Variants in RALYL observed in about 807,000 individuals in gnomAD.
RALYL encodes the protein RNA-binding Raly-like protein.
A neutral mutation model predicts 35.1 loss-of-function variants in RALYL; 29 were observed. The observed-to-expected ratio is 0.83, with a 90% CI of 0.61 to 1.13. The LOEUF (loss-of-function observed/expected upper bound fraction) is 1.13, where lower values mean the gene tolerates loss of function less well. RALYL is among the 50% of genes most tolerant of loss of function. The pLI is 0.00. For missense variants in RALYL, 359 were observed against 360.4 expected, an observed-to-expected ratio of 1.00 and a Z score of 0.03; for synonymous variants, 120 against 127.6, an observed-to-expected ratio of 0.94 and a Z score of 0.40.
intron 2 of RALYL, among the ~76,000 whole-genome samples, chr8:84,538,679 G>A (rs758833523): frequency 9.9e-5 from 15 of 152,084 alleles, no homozygotes; most frequent in African/African-American, 3.1e-4. Context: ...AAGATAACAT[G>A]CAGATGAAGA....
intron 2 of RALYL, among the ~76,000 whole-genome samples, chr8:84,555,772 T>C (rs1290515282): frequency 1.3e-5 from 2 of 152,212 alleles, no homozygotes; most frequent in African/African-American, 4.8e-5. Context: ...ATGATAATCA[T>C]TGTAGCTTAT....
intron 1 of RALYL, among the ~76,000 whole-genome samples, chr8:84,189,648 G>A (rs1431388964): frequency 6.6e-6 from 1 of 150,758 alleles, no homozygotes; most frequent in African/African-American, 2.4e-5. Flanking sequence ...AATTTGACAT[G>A]TAGGAAGTCT....
intron 7 of RALYL, among the ~76,000 whole-genome samples, chr8:84,873,609 AAAAT>A (rs1418944233): frequency 2.6e-5 from 4 of 152,216 alleles, no homozygotes; most frequent in Non-Finnish European, 4.4e-5. Context: ...GTTCATACTA[AAAAT>A]AAAAGGCAAG....
At chr8:84,354,984 C>T (rs1419309222) in intron 1 of RALYL, among the ~76,000 whole-genome samples, 3 of 150,068 alleles carry the variant, frequency 2.0e-5, no homozygotes, top group African/African-American at 5.0e-5. Context: ...CTATCTCATG[C>T]GCATCACAAA....
chr8:84,557,066 C>A (rs1173890318), intron 2 of RALYL, among the ~76,000 whole-genome samples: 1 of 152,132 alleles, frequency 6.6e-6, no homozygotes, highest in Non-Finnish European at 1.5e-5. Flanking sequence ...AATAGGAAAC[C>A]TAACTTGTCA....
chr8:84,623,974 G>T (rs549163755), intron 2 of RALYL, among the ~76,000 whole-genome samples: 7 of 152,248 alleles, frequency 4.6e-5, no homozygotes, highest in Admixed American at 4.6e-4. Flanking sequence ...CTTTCGACTG[G>T]TACTATTGTC....
At chr8:84,793,056 T>C (rs992252735) in intron 3 of RALYL, among the ~76,000 whole-genome samples, 9 of 152,032 alleles carry the variant, frequency 5.9e-5, no homozygotes, top group African/African-American at 1.9e-4. Flanking sequence ...GAAGTTAGAG[T>C]AGGCCAAGGT....
At chr8:84,221,427 A>G (rs1822183735) in intron 1 of RALYL, among the ~76,000 whole-genome samples, 1 of 152,074 alleles carries the variant, frequency 6.6e-6, no homozygotes, top group African/African-American at 2.4e-5. Context: ...ATACGAAGTC[A>G]GCATATCAGC....
At chr8:84,599,378 T>C (rs1215862215) in intron 2 of RALYL, among the ~76,000 whole-genome samples, 4 of 152,006 alleles carry the variant, frequency 2.6e-5, no homozygotes, top group Non-Finnish European at 5.9e-5. Flanking sequence ...AGTATATATA[T>C]ACAATTGTAA....
intron 2 of RALYL, among the ~76,000 whole-genome samples, chr8:84,638,662 C>A (rs1310831541): frequency 6.7e-6 from 1 of 149,968 alleles, no homozygotes; most frequent in Non-Finnish European, 1.5e-5. Flanking sequence ...GTGTAGGGAA[C>A]TAAAAGGTTC....
intron 1 of RALYL, among the ~76,000 whole-genome samples, chr8:84,419,884 T>C (rs2045281995): frequency 6.6e-6 from 1 of 151,922 alleles, no homozygotes; most frequent in African/African-American, 2.4e-5. Context: ...CTCATCATTT[T>C]TTATGGCTGC....
chr8:84,361,624 G>T (rs994279776), intron 1 of RALYL, among the ~76,000 whole-genome samples: 4 of 152,122 alleles, frequency 2.6e-5, no homozygotes, highest in African/African-American at 9.7e-5. Flanking sequence ...TCTTCGCCAG[G>T]TTTAAAATGG....
At chr8:84,887,445 G>T (rs181951169) in intron 7 of RALYL, among the ~76,000 whole-genome samples, 159 bp from the exon 8 acceptor site, 2 of 152,284 alleles carry the variant, frequency 1.3e-5, no homozygotes, top group East Asian at 1.9e-4. Context: ...TGATTTACAT[G>T]ATTGAAAAAA....
chr8:84,695,771 A>G (rs969336291), intron 2 of RALYL, among the ~76,000 whole-genome samples: 2 of 151,884 alleles, frequency 1.3e-5, no homozygotes, highest in Non-Finnish European at 2.9e-5. Flanking sequence ...CAAAAAATGT[A>G]TCAACATTAT....
chr8:84,766,352 C>T (rs1813962460), intron 2 of RALYL, among the ~76,000 whole-genome samples: 1 of 151,802 alleles, frequency 6.6e-6, no homozygotes, highest in African/African-American at 2.4e-5. Context: ...TATAATGTAG[C>T]ATTTTTACTA....
intron 1 of RALYL, among the ~76,000 whole-genome samples, chr8:84,472,283 A>G (rs567381691): frequency 6.6e-6 from 1 of 152,176 alleles, no homozygotes; most frequent in South Asian, 2.1e-4. Context: ...TCCTCTTTTA[A>G]GGGAGATAGG....
At chr8:84,788,081 G>T (rs1402814417) in intron 3 of RALYL, among the ~76,000 whole-genome samples, 1 of 152,140 alleles carries the variant, frequency 6.6e-6, no homozygotes, top group African/African-American at 2.4e-5. Context: ...TTTTAATCAT[G>T]CAGTCTTTGC....
chr8:84,543,505 A>T (rs575467614), intron 2 of RALYL, among the ~76,000 whole-genome samples: 293 of 60,032 alleles, frequency 4.9e-3, no homozygotes, highest in African/African-American at 0.015. Flanking sequence ...TAAAAAAAAT[A>T]AAAAAAAACA....
At chr8:84,309,553 A>C (rs1563708955) in intron 1 of RALYL, among the ~76,000 whole-genome samples, 5 of 152,164 alleles carry the variant, frequency 3.3e-5, no homozygotes, top group Admixed American at 2.6e-4. Context: ...AAAATGCTGA[A>C]TATCCAGATT....
Sources: gnomAD v4.1 joint callset for allele counts (sites outside exome capture counted in the v4.1 genomes callset) on GRCh38, gnomAD v4.1.1 for gene constraint, MANE v1.5 for transcripts, NCBI Gene and HGNC (gene_info 2026-07-23, HGNC 2026-07-21) for gene names.